The following ZNF37A variants were observed in gnomAD, a reference collection of about 807,000 sequenced individuals.
ZNF37A encodes zinc finger protein 37A.
Under a neutral mutation model 12.3 loss-of-function variants are expected in ZNF37A, and 10 were observed. That is an observed-to-expected ratio of 0.82 (90% CI 0.50 to 1.38). The LOEUF (loss-of-function observed/expected upper bound fraction) is 1.38. ZNF37A is among the 40% of genes most tolerant of loss of function. The pLI, the probability that ZNF37A is intolerant of heterozygous loss-of-function variation, is 0.00. For synonymous variants in ZNF37A, 207 were observed against 223.0 expected (o/e 0.93, Z 0.64); for missense variants, 580 against 651.2 (o/e 0.89, Z 1.19).
At chr10:38,111,260 A>G (rs1373235964) in intron 5 of ZNF37A, among the ~76,000 whole-genome samples, 1 of 151,952 alleles carries the variant, frequency 6.6e-6, no homozygotes, top group African/African-American at 2.4e-5. Flanking sequence ...GCATGTTCTC[A>G]CTCATAAGTG....
At chr10:38,134,518 G>A (rs2070078553) in intron 7 of ZNF37A, among the ~76,000 whole-genome samples, 1 of 152,156 alleles carries the variant, frequency 6.6e-6, no homozygotes, top group Admixed American at 6.5e-5. Flanking sequence ...TAACAGTCAG[G>A]ACCCTCAGCT....
chr10:38,133,822 A>G (rs1450165254), intron 7 of ZNF37A, among the ~76,000 whole-genome samples: 1 of 152,164 alleles, frequency 6.6e-6, no homozygotes, highest in Non-Finnish European at 1.5e-5. Flanking sequence ...TCCTTTGGGT[A>G]TATACCCAGT....
chr10:38,111,565 A>G (rs2135970314), intron 5 of ZNF37A, among the ~76,000 whole-genome samples: 1 of 151,482 alleles, frequency 6.6e-6, no homozygotes, highest in East Asian at 1.9e-4. Context: ...ACATTTTTGT[A>G]TGCATTATTT....
downstream of ZNF37A, among the ~76,000 whole-genome samples, chr10:38,128,715 G>C (rs1270713893): frequency 6.6e-6 from 1 of 152,130 alleles, no homozygotes; most frequent in African/African-American, 2.4e-5. Context: ...CTTCCATCCT[G>C]AGTTCACGTC....
intron 5 of ZNF37A, among the ~76,000 whole-genome samples, chr10:38,108,928 C>T (rs1383269139): frequency 5.3e-5 from 8 of 152,124 alleles, no homozygotes; most frequent in African/African-American, 1.7e-4. Context: ...ATACCATTCC[C>T]TCTTAAAGTA....
chr10:38,100,485 T>G (rs1214256587), intron 5 of ZNF37A, among the ~76,000 whole-genome samples: 1 of 152,220 alleles, frequency 6.6e-6, no homozygotes, highest in Non-Finnish European at 1.5e-5. Flanking sequence ...CCCAGGCTTG[T>G]ATTCTGTTTC....
chr10:38,119,408 T>C lies in ZNF37A; in HGVS notation c.*571T>C, dbSNP rs1187332994. 5 of 988,704 alleles carry C rather than the reference T, an allele frequency of 5.1e-6. No individual in the cohort carries two copies. Among genetic ancestry groups the C allele is most frequent in the Non-Finnish European group, 6.0e-6 (5 of 830,352 alleles). 61.2% of individuals were successfully genotyped at this position (988,704 alleles called of 1,614,324 possible). On this transcript the variant is annotated 3_prime_UTR_variant, in exon 8 of 8. Coordinates refer to ENST00000685332, the MANE Select transcript of ZNF37A (RefSeq NM_001324250.3). The stretch of plus-strand genomic sequence containing the variant: ...TAGGAAAGCATTTACTATGAGGTTA[T>C]ATTTTATGGAGTATATGTAATAAGA...
intron 5 of ZNF37A, among the ~76,000 whole-genome samples, chr10:38,113,400 A>G (rs2068988694): frequency 1.3e-5 from 2 of 151,754 alleles, no homozygotes; most frequent in Non-Finnish European, 2.9e-5. Context: ...TTTAGTAAAG[A>G]TGGGGTTTTA....
At chr10:38,146,598 G>A (rs748963357) in intron 7 of ZNF37A, 2 of 386,956 alleles carry the variant, frequency 5.2e-6, no homozygotes, top group Non-Finnish European at 9.1e-6. Context: ...TCTACTTTCA[G>A]GGGATTTTTA....
intron 5 of ZNF37A, among the ~76,000 whole-genome samples, chr10:38,107,050 C>A (rs890470846): frequency 5.3e-5 from 8 of 152,048 alleles, no homozygotes; most frequent in Non-Finnish European, 8.8e-5. Context: ...GACACATAAT[C>A]ATCAGATTCA....
intron 7 of ZNF37A, among the ~76,000 whole-genome samples, chr10:38,131,377 T>C (rs1440862145): frequency 1.3e-5 from 2 of 152,188 alleles, no homozygotes; most frequent in African/African-American, 2.4e-5. Flanking sequence ...TTTGCATGTG[T>C]TGTAAGGGTC....
intron 5 of ZNF37A, among the ~76,000 whole-genome samples, chr10:38,112,738 TTCTTTTC>T (rs2068838260): frequency 1.7e-5 from 1 of 58,914 alleles, no homozygotes; most frequent in African/African-American, 6.3e-5. Flanking sequence ...CCATTTTCTT[TTCTTTTC>T]TTTTCTTTTC....
chr10:38,136,438 G>A (rs564096461), intron 7 of ZNF37A, among the ~76,000 whole-genome samples: 57 of 152,258 alleles, frequency 3.7e-4, no homozygotes, highest in African/African-American at 1.3e-3. Flanking sequence ...ACAGGTGTGA[G>A]CCACCATACC....
intron 5 of ZNF37A, among the ~76,000 whole-genome samples, chr10:38,104,976 T>C (rs2067927967): frequency 6.6e-6 from 1 of 151,676 alleles, no homozygotes; most frequent in Admixed American, 6.6e-5. Flanking sequence ...ATTTATTTGC[T>C]CCTTCTCCCT....
In ZNF37A at chr10:38,118,200, C is replaced by G; in HGVS notation, c.1049C>G (p.Thr350Arg). The G allele has an allele frequency of 2.5e-6, 4 of 1,614,042 alleles. No homozygotes were observed. The highest frequency in any genetic ancestry group is 3.4e-6 in the Non-Finnish European group (4 of 1,179,966). ...STLTQHQRTHTGEKPYECHEC... is the reference protein window; with the variant it reads ...STLTQHQRTHRGEKPYECHEC... Reference sequence around the variant, plus strand: ...CTTACTCAACATCAAAGAACGCACACAGGGGAGAAACCATATGAATGTCAT... The same window carrying G: ...CTTACTCAACATCAAAGAACGCACAGAGGGGAGAAACCATATGAATGTCAT... The change falls in exon 8 of 8, where the codon ACA becomes AGA. Residue 350 changes from threonine (T) to arginine (R), a missense_variant. Transcript: ENST00000685332.
At chr10:38,100,536 C>T (rs1306603547) in intron 5 of ZNF37A, among the ~76,000 whole-genome samples, 3 of 152,164 alleles carry the variant, frequency 2.0e-5, no homozygotes, top group African/African-American at 7.2e-5. Context: ...CGATATTTCT[C>T]CCATTTGCTT....
At chr10:38,103,613 A>C (rs2067779393) in intron 5 of ZNF37A, among the ~76,000 whole-genome samples, 1 of 152,096 alleles carries the variant, frequency 6.6e-6, no homozygotes, top group South Asian at 2.1e-4. Context: ...ATGCCTCATA[A>C]TTTTTTATTG....
At chr10:38,108,572 A>G (rs2068346544) in intron 5 of ZNF37A, among the ~76,000 whole-genome samples, 1 of 152,200 alleles carries the variant, frequency 6.6e-6, no homozygotes, top group South Asian at 2.1e-4. Context: ...TGAAAAGATC[A>G]ACAAAATAGA....
chr10:38,115,066 A>AGTGTGTGTGTGTGTGTGTGT (rs56124182), intron 6 of ZNF37A, 129 bp from the exon 7 acceptor site: 8 of 621,482 alleles, frequency 1.3e-5, no homozygotes, highest in African/African-American at 6.4e-5. Flanking sequence ...GATTAAATGA[A>AGTGTGTGTGTGTGTGTGTGT]GTGTGTGTGT....
Sources: gnomAD v4.1 joint callset for allele counts (sites outside exome capture counted in the v4.1 genomes callset) on GRCh38, gnomAD v4.1.1 for gene constraint, MANE v1.5 for transcripts, NCBI Gene and HGNC (gene_info 2026-07-23, HGNC 2026-07-21) for gene names.